MYCBP2: variants seen among roughly 807,000 people sequenced by gnomAD.
MYCBP2 encodes MYC binding protein 2, also known as E3 ubiquitin-protein ligase MYCBP2.
In MYCBP2, 120 loss-of-function variants were observed where a neutral mutation model predicts 525.3. The observed-to-expected ratio is 0.23, with a 90% CI of 0.20 to 0.27. The LOEUF is 0.27. MYCBP2 is among the 10% of genes least tolerant of loss of function. The pLI is 1.00. For synonymous variants in MYCBP2, 1,894 were observed against 1,955.8 expected (o/e 0.97, Z 0.83); for missense variants, 4,149 against 5,657.1 (o/e 0.73, Z 8.55).
rs1594699202 is a variant in MYCBP2, at chr13:77,289,983, G to T, written c.379-1607C>A. 2.6e-5 allele frequency among the ~76,000 whole-genome samples: 4 copies of T among 152,138 alleles called. No homozygotes were observed. The South Asian group carries it at 8.3e-4, about 32-fold the overall frequency. On this transcript the variant is annotated intron_variant, in intron 2 of 82. Coordinates refer to ENST00000544440, the MANE Select transcript of MYCBP2 (RefSeq NM_015057.5). ...TTTGCAAACCACATATCCAACAAAGGATGAGTATTCAGAATATATAAAGAA... is the reference window on the plus strand; with the variant it reads ...TTTGCAAACCACATATCCAACAAAGTATGAGTATTCAGAATATATAAAGAA...
At chr13:77,223,109 A>G (rs2065817758) in intron 20 of MYCBP2, among the ~76,000 whole-genome samples, 1 of 152,180 alleles carries the variant, frequency 6.6e-6, no homozygotes, top group South Asian at 2.1e-4. Context: ...GATCTCCTTC[A>G]AGACAATCTG....
intron 23 of MYCBP2, among the ~76,000 whole-genome samples, chr13:77,210,415 A>G (rs2063851937): frequency 6.6e-6 from 1 of 152,104 alleles, no homozygotes; most frequent in Middle Eastern, 3.4e-3. Context: ...GATGGTCTCG[A>G]TCTCCTGACC....
intron 26 of MYCBP2, among the ~76,000 whole-genome samples, chr13:77,197,282 G>A (rs1256574253): frequency 2.0e-5 from 3 of 152,166 alleles, no homozygotes; most frequent in Non-Finnish European, 2.9e-5. Flanking sequence ...GACTATCTAG[G>A]TGGCTAGTCC....
intron 55 of MYCBP2, among the ~76,000 whole-genome samples, chr13:77,111,436 C>CTTT (rs779969571): frequency 1.5e-5 from 2 of 137,134 alleles, no homozygotes; most frequent in Admixed American, 1.5e-4. Context: ...ATGTCACTTC[C>CTTT]TTTTTTTTTT....
intron 27 of MYCBP2, among the ~76,000 whole-genome samples, chr13:77,193,139 A>G (rs903879913): frequency 1.3e-5 from 2 of 152,326 alleles, no homozygotes; most frequent in South Asian, 2.1e-4. Context: ...AAAAATAAAA[A>G]TTAATAAATG....
rs554400625 is a variant in MYCBP2 at position 77,152,473 on chromosome 13, C to A, written c.6916-1524G>T. Among the ~76,000 whole-genome samples, 5 of 152,314 alleles carry A rather than the reference C, an allele frequency of 3.3e-5. No homozygotes were observed. The East Asian group carries it at 9.6e-4, about 29-fold the overall frequency. On this transcript the variant is annotated intron_variant, in intron 46 of 82. Coordinates refer to ENST00000544440, the MANE Select transcript of MYCBP2 (RefSeq NM_015057.5). The stretch of plus-strand genomic sequence containing the variant: ...AAGGCCCCACTCTCAAGCCTGGAAA[C>A]CATGACCCTAAATGAGAACAGTTTA...
chr13:77,270,181 A>T, intron 6 of MYCBP2, 115 bp downstream of exon 6: 1 of 1,430,302 alleles, frequency 7.0e-7, no homozygotes. Context: ...TTTCAAATAA[A>T]TATTATTACA....
chr13:77,050,225 C>T (rs574475302), intron 82 of MYCBP2, among the ~76,000 whole-genome samples: 3 of 152,184 alleles, frequency 2.0e-5, no homozygotes, highest in East Asian at 1.9e-4. Context: ...AGCTGTTTTC[C>T]GGAGAGGTCT....
intron 68 of MYCBP2, among the ~76,000 whole-genome samples, chr13:77,071,278 CA>C (rs1357696819): frequency 6.8e-6 from 1 of 147,052 alleles, no homozygotes; most frequent in East Asian, 2.0e-4. Context: ...CACGCACACA[CA>C]CACACACACA....
intron 13 of MYCBP2, among the ~76,000 whole-genome samples, chr13:77,258,993 G>A (rs1398418231): frequency 2.6e-5 from 4 of 152,168 alleles, no homozygotes; most frequent in Non-Finnish European, 2.9e-5. Context: ...GGTGGCTCAC[G>A]CCTGTATTCC....
At position 77,098,675 on chromosome 13, in the gene MYCBP2, G is replaced by C. The variant is rs1197815955; in HGVS notation, c.8479C>G (p.Leu2827Val). Residue 2827 changes from leucine to valine, a missense_variant, in exon 56 of 83, where the codon CTC becomes GTC. Physicochemically the swap from Leu to Val is conservative, Grantham distance 32. Around this residue, in one of 21 missense-constraint regions of MYCBP2, gnomAD observed 653 missense variants for 744.7 expected, o/e 0.88. Transcript: ENST00000544440. ...SRLSSPKPKTLPANRSSPSGA... is the reference protein window; with the variant it reads ...SRLSSPKPKTVPANRSSPSGA... ...GATGGGCTAGACCTATTGGCTGGGA[G>C]AGTCTTTGGCTTAGGAGATGACAAC... 16 of 1,613,506 alleles carry C rather than the reference G, an allele frequency of 9.9e-6. No individual in the cohort carries two copies. The highest frequency in any genetic ancestry group is 1.3e-5 in the African/African-American group (1 of 74,832).
intron 73 of MYCBP2, among the ~76,000 whole-genome samples, chr13:77,064,318 C>T (rs1442034741): frequency 6.6e-6 from 1 of 152,176 alleles, no homozygotes; most frequent in Non-Finnish European, 1.5e-5. Flanking sequence ...CTACAGCAAA[C>T]AGATCATTAG....
intron 55 of MYCBP2, among the ~76,000 whole-genome samples, chr13:77,107,015 A>T (rs1290418753): frequency 1.3e-5 from 2 of 152,136 alleles, no homozygotes; most frequent in African/African-American, 4.8e-5. Flanking sequence ...ACCTACGTTT[A>T]TGTATTTATA....
At chr13:77,203,384 G>A (rs1397850935) in intron 26 of MYCBP2, among the ~76,000 whole-genome samples, 1 of 151,922 alleles carries the variant, frequency 6.6e-6, no homozygotes, top group East Asian at 1.9e-4. Context: ...CACTGCTCAA[G>A]GAAATAAAAG....
chr13:77,123,870 G>C (rs1330283713), intron 54 of MYCBP2, among the ~76,000 whole-genome samples: 3 of 152,110 alleles, frequency 2.0e-5, no homozygotes, highest in Non-Finnish European at 4.4e-5. Context: ...AAAGAAAAAT[G>C]TTTAAAAATT....
chr13:77,314,311 A>G (rs1445071256), intron 1 of MYCBP2, among the ~76,000 whole-genome samples: 2 of 152,230 alleles, frequency 1.3e-5, no homozygotes, highest in Non-Finnish European at 2.9e-5. Flanking sequence ...ACCTGCACAC[A>G]GATGTTTAGA....
At chr13:77,287,193 T>TC (rs931959913) in intron 3 of MYCBP2, among the ~76,000 whole-genome samples, 1 of 91,062 alleles carries the variant, frequency 1.1e-5, no homozygotes, top group African/African-American at 3.7e-5. Flanking sequence ...AGCCAGTTTC[T>TC]TTTTTTTTTT....
chr13:77,083,162 G>A lies in MYCBP2; in HGVS notation c.10906C>T (p.Leu3636Phe). 1 of 1,613,316 alleles carries A rather than the reference G, an allele frequency of 6.2e-7. No homozygotes were observed. Among genetic ancestry groups the A allele is most frequent in the Non-Finnish European group, 8.5e-7 (1 of 1,179,526 alleles). ...EKDTRVCEHP[L>F]SDIVIAGEAA... is the part of the protein sequence containing the mutation. ...TCCCCGGCAATCACTATGTCTGAGA[G>A]TGGATGTTCACATACTCTTGTATCT... The change falls in exon 63 of 83, where the codon CTC becomes TTC. Residue 3636 changes from leucine to phenylalanine, a missense_variant. Physicochemically the swap from Leu to Phe is conservative, Grantham distance 22. Coordinates refer to ENST00000544440, the MANE Select transcript of MYCBP2 (RefSeq NM_015057.5).
chr13:77,130,950 A>G (rs1384911730), intron 52 of MYCBP2, among the ~76,000 whole-genome samples: 6 of 152,240 alleles, frequency 3.9e-5, no homozygotes, highest in Non-Finnish European at 8.8e-5. Flanking sequence ...ATGTGCAAAC[A>G]TAAGTGCTTT....
Sources: allele counts gnomAD v4.1 joint callset (sites outside exome capture counted in the v4.1 genomes callset), GRCh38; gene constraint gnomAD v4.1.1; regional missense constraint gnomAD v4.1.1; transcripts MANE v1.5; gene names NCBI Gene and HGNC (gene_info 2026-07-23, HGNC 2026-07-21).